Variants in STARD8 observed in about 807,000 individuals in gnomAD.
STARD8 encodes StAR related lipid transfer domain containing 8.
STARD8 carries 25 observed loss-of-function variants against 69.4 expected under a neutral mutation model. The ratio of observed to expected loss-of-function variants is 0.36; its 90% CI spans 0.26 to 0.50. The LOEUF (loss-of-function observed/expected upper bound fraction) is 0.50. STARD8 is among the 20% of genes least tolerant of loss of function. The pLI is 0.96. For synonymous variants in STARD8, 389 were observed against 374.6 expected (o/e 1.04, Z -0.45); for missense variants, 921 against 932.5 (o/e 0.99, Z 0.16).
chrX:68,691,005 G>A (rs932201974), intron 2 of STARD8, among the ~76,000 whole-genome samples: 1 of 111,664 alleles, frequency 9.0e-6, no homozygotes, highest in Non-Finnish European at 1.9e-5. Flanking sequence ...GAGGCCATTT[G>A]TACCCAGGCC....
At chrX:68,697,447 T>G (rs2079929442) in intron 2 of STARD8, among the ~76,000 whole-genome samples, 1 of 111,967 alleles carries the variant, frequency 8.9e-6, no homozygotes, top group South Asian at 3.7e-4. Context: ...CTTCCTGCCT[T>G]TGTTTCTCTA....
intron 2 of STARD8, among the ~76,000 whole-genome samples, chrX:68,693,044 T>C (rs938110574): frequency 1.1e-4 from 12 of 112,938 alleles, no homozygotes; most frequent in African/African-American, 3.2e-4. Context: ...TGGTGCTTAC[T>C]ATCAGAACTC....
intron 1 of STARD8, among the ~76,000 whole-genome samples, chrX:68,652,966 CACACA>C (rs1216250752): frequency 2.8e-5 from 2 of 70,225 alleles, no homozygotes; most frequent in Non-Finnish European, 2.8e-5. Flanking sequence ...ACACACACAC[CACACA>C]CCACACACCA....
intron 2 of STARD8, among the ~76,000 whole-genome samples, chrX:68,697,198 C>T (rs190830058): frequency 1.7e-4 from 19 of 112,150 alleles, no homozygotes; most frequent in Middle Eastern, 4.6e-3. Context: ...ATCAAATAAC[C>T]GGTAAGTGTT....
chrX:68,653,653 A>G (rs2079592493), intron 1 of STARD8, among the ~76,000 whole-genome samples: 2 of 67,737 alleles, frequency 3.0e-5, no homozygotes, highest in Admixed American at 1.8e-4. Flanking sequence ...CACACCATAC[A>G]CGCCACATAC....
intron 2 of STARD8, among the ~76,000 whole-genome samples, chrX:68,685,207 G>A (rs1455664955): frequency 2.7e-5 from 3 of 111,944 alleles, no homozygotes; most frequent in African/African-American, 9.8e-5. Context: ...CGTTCACAAA[G>A]CACATTCATT....
intron 1 of STARD8, among the ~76,000 whole-genome samples, chrX:68,649,549 A>G (rs1174678323): frequency 9.0e-6 from 1 of 110,666 alleles, no homozygotes; most frequent in Non-Finnish European, 1.9e-5. Context: ...AACTCAAAGG[A>G]CTATTCTTTA....
rs199533006 is a variant in STARD8 at position 68,694,499 on chromosome X, CA to C, written c.80-18414del. Among the ~76,000 whole-genome samples the C allele has an allele frequency of 5.5e-3, 616 of 111,656 alleles. 3 individuals carry two copies. Among genetic ancestry groups the C allele is most frequent in the Middle Eastern group, 0.014 (3 of 217 alleles). On this transcript the variant is annotated intron_variant, in intron 2 of 14. Transcript: ENST00000374599. ...AAATTAGGTAGTGTGGGGTTCTCTCCACGTTCCTCCTGACACTTGTGAAAGT... is the reference window on the plus strand; with the variant it reads ...AAATTAGGTAGTGTGGGGTTCTCTCCCGTTCCTCCTGACACTTGTGAAAGT...
chrX:68,720,563 G>C, intron 8 of STARD8, 140 bp downstream of exon 8: 1 of 740,517 alleles, frequency 1.4e-6, no homozygotes, highest in Non-Finnish European at 1.9e-6. Context: ...AGAGGCCTTT[G>C]CTGTTCTCAG....
At position 68,718,362 on chromosome X, in the gene STARD8, A is replaced by G. The variant is rs373700328; in HGVS notation, c.1448A>G (p.Glu483Gly). 1.6e-5 allele frequency: 19 copies of G among 1,204,175 alleles called. No individual in the cohort carries two copies. In the East Asian group the frequency reaches 2.4e-4, roughly 15 times the overall value. ...GAACCAGTGGCACAGGAAGAGGCTGAGGCCCCGGCCCCAGCCCCGGCCCCG... is the reference window on the plus strand; with the variant it reads ...GAACCAGTGGCACAGGAAGAGGCTGGGGCCCCGGCCCCAGCCCCGGCCCCG... ...EAEPVAQEEA[E>G]APAPAPAPAP... The change falls in exon 6 of 15, where the codon GAG becomes GGG. Residue 483 changes from glutamate (E) to glycine (G), a missense_variant. Coordinates refer to ENST00000374599, the MANE Select transcript of STARD8 (RefSeq NM_001142503.3).
chrX:68,665,783 C>T (rs1235256543), intron 2 of STARD8, among the ~76,000 whole-genome samples: 1 of 112,241 alleles, frequency 8.9e-6, no homozygotes, highest in East Asian at 2.8e-4. Context: ...CAGGGGAGGA[C>T]TTCCCTCCAG....
intron 2 of STARD8, among the ~76,000 whole-genome samples, chrX:68,694,008 G>C (rs2079899263): frequency 8.8e-6 from 1 of 113,449 alleles, no homozygotes; most frequent in Non-Finnish European, 1.9e-5. Context: ...GGGATTGGGG[G>C]GTCAGAATCG....
In STARD8 at chrX:68,717,762, T is replaced by C; in HGVS notation, c.848T>C (p.Val283Ala). ...CGGAAGGCCTGGGAGGCCTGGCCTG[T>C]GGCCTCGTTCCGGCATCCTCAGTGG... ...NTRKAWEAWP[V>A]ASFRHPQWTH... is the part of the protein sequence containing the mutation. Residue 283 changes from valine to alanine, a missense_variant, in exon 6 of 15, where the codon GTG (valine) becomes GCG (alanine). Val to Ala is a moderately conservative substitution (Grantham distance 64, BLOSUM62 0). Transcript: ENST00000374599. 3.3e-6 allele frequency: 4 copies of C among 1,212,109 alleles called. No individual in the cohort carries two copies. The African/African-American group carries it at 6.9e-5, about 21-fold the overall frequency.
At chrX:68,691,293 G>A (rs1315923005) in intron 2 of STARD8, among the ~76,000 whole-genome samples, 3 of 111,823 alleles carry the variant, frequency 2.7e-5, no homozygotes, top group Non-Finnish European at 5.6e-5. Context: ...TTGAGGAAAA[G>A]GGGAAGTCAA....
chrX:68,721,505 G>A, intron 9 of STARD8, 31 bp from the exon 10 acceptor site: 1 of 1,199,961 alleles, frequency 8.3e-7, no homozygotes, highest in Non-Finnish European at 1.1e-6. Context: ...GGGGAAGTAA[G>A]GAAGGCTCTT....
chrX:68,716,301 A>C, intron 4 of STARD8, 67 bp from the exon 5 acceptor site: 2 of 1,060,358 alleles, frequency 1.9e-6, no homozygotes, highest in Admixed American at 2.5e-5. Flanking sequence ...TGGCAGGTGC[A>C]TCTTGGTAGG....
chrX:68,708,919 C>A (rs1034491886), intron 2 of STARD8, among the ~76,000 whole-genome samples: 2 of 111,486 alleles, frequency 1.8e-5, no homozygotes, highest in Non-Finnish European at 3.8e-5. Context: ...TCCGGGCCAC[C>A]TGGGCTTCAG....
chrX:68,668,940 A>G (rs781148778), intron 2 of STARD8, among the ~76,000 whole-genome samples: 41 of 111,887 alleles, frequency 3.7e-4, no homozygotes, highest in Admixed American at 2.1e-3. Context: ...AATATATATC[A>G]TGATGCAGAT....
intron 2 of STARD8, among the ~76,000 whole-genome samples, chrX:68,711,222 G>GCACACACACA (rs60571538): frequency 1.9e-3 from 190 of 101,839 alleles, no homozygotes; most frequent in African/African-American, 6.6e-3. Flanking sequence ...ATGTATGCAT[G>GCACACACACA]CACACACACA....
Sources: allele counts gnomAD v4.1 joint callset (sites outside exome capture counted in the v4.1 genomes callset), GRCh38; gene constraint gnomAD v4.1.1; transcripts MANE v1.5; gene names NCBI Gene and HGNC (gene_info 2026-07-23, HGNC 2026-07-21).